NTM: variants seen among roughly 807,000 people sequenced by gnomAD.
NTM encodes IgLON family member 2.
NTM carries 13 observed loss-of-function variants against 42.1 expected under a neutral mutation model. The ratio of observed to expected loss-of-function variants is 0.31; its 90% CI spans 0.20 to 0.49. The LOEUF (loss-of-function observed/expected upper bound fraction) is 0.49. Ranked by LOEUF, NTM falls within the 20% of genes least tolerant of loss-of-function variation. The pLI is 0.99. For synonymous variants in NTM, 187 were observed against 179.2 expected (o/e 1.04, Z -0.35); for missense variants, 373 against 452.8 (o/e 0.82, Z 1.60).
At chr11:132,191,223 C>T (rs1410074040) in intron 3 of NTM, among the ~76,000 whole-genome samples, 2 of 152,204 alleles carry the variant, frequency 1.3e-5, no homozygotes, top group African/African-American at 4.8e-5. Context: ...AGCTTAGCCA[C>T]CCAACCCCAC....
At chr11:131,947,106 A>G (rs909624172) in intron 2 of NTM, among the ~76,000 whole-genome samples, 5 of 152,232 alleles carry the variant, frequency 3.3e-5, no homozygotes, top group African/African-American at 1.2e-4. Flanking sequence ...CTAAAATGTG[A>G]CATTTGCCAC....
intron 1 of NTM, among the ~76,000 whole-genome samples, chr11:131,566,211 G>C (rs2056864840): frequency 2.0e-5 from 3 of 152,122 alleles, no homozygotes; most frequent in Non-Finnish European, 4.4e-5. Flanking sequence ...TAAACATTTA[G>C]GGGACTCCTC....
intron 1 of NTM, among the ~76,000 whole-genome samples, chr11:131,625,524 G>A (rs1040070734): frequency 2.0e-5 from 3 of 151,990 alleles, no homozygotes; most frequent in African/African-American, 7.2e-5. Context: ...GAGAGAGACT[G>A]AAAAGATGAA....
At chr11:131,444,203 C>CAA (rs71475757) in intron 1 of NTM, among the ~76,000 whole-genome samples, 2,472 of 49,454 alleles carry the variant, frequency 0.05, 237 homozygotes, top group East Asian at 0.45. Flanking sequence ...AGGTTAGAAC[C>CAA]AAAAAAAAAA....
chr11:132,057,263 C>T (rs60028021), intron 2 of NTM, among the ~76,000 whole-genome samples: 17,689 of 148,778 alleles, frequency 0.12, 276 homozygotes, highest in South Asian at 0.19. Context: ...CTAAAATATA[C>T]GGTGTATTTT....
chr11:131,715,085 T>C (rs2135342010), intron 1 of NTM, among the ~76,000 whole-genome samples: 1 of 152,320 alleles, frequency 6.6e-6, no homozygotes, highest in Non-Finnish European at 1.5e-5. Flanking sequence ...GACCTTGTGA[T>C]ACAAAACCAG....
chr11:131,488,417 C>T (rs1954419670), intron 1 of NTM, among the ~76,000 whole-genome samples: 1 of 152,156 alleles, frequency 6.6e-6, no homozygotes. Flanking sequence ...ATTTCCTAGC[C>T]TGAACTTTTT....
chr11:131,680,479 GCACGTC>G (rs1565414618), intron 1 of NTM, among the ~76,000 whole-genome samples: 649 of 124,950 alleles, frequency 5.2e-3, no homozygotes, highest in South Asian at 7.9e-3. Context: ...CTGTGTGTGT[GCACGTC>G]TGTGTAGGCA....
intron 2 of NTM, among the ~76,000 whole-genome samples, chr11:132,142,272 G>C (rs982740506): frequency 4.6e-5 from 7 of 152,316 alleles, no homozygotes; most frequent in African/African-American, 1.7e-4. Context: ...AGCTCACCTG[G>C]ATGAGTCAGG....
intron 5 of NTM, among the ~76,000 whole-genome samples, chr11:132,308,956 G>A (rs1295122249): frequency 6.6e-6 from 1 of 152,208 alleles, no homozygotes; most frequent in East Asian, 1.9e-4. Context: ...GCTAGGTGCA[G>A]GTGCAGAATT....
At chr11:131,968,192 TAAAAAAC>T (rs2063078933) in intron 2 of NTM, among the ~76,000 whole-genome samples, 1 of 151,984 alleles carries the variant, frequency 6.6e-6, no homozygotes, top group Non-Finnish European at 1.5e-5. Flanking sequence ...TACTGGGAAA[TAAAAAAC>T]AAAAAACTAA....
intron 2 of NTM, among the ~76,000 whole-genome samples, chr11:132,117,129 G>A (rs7937372): frequency 0.71 from 108,050 of 152,108 alleles, 39,297 homozygotes; most frequent in African/African-American, 0.82. Context: ...ATTAGAAATC[G>A]TGAGTGTTCA....
chr11:131,628,694 A>T (rs1001276712), intron 1 of NTM, among the ~76,000 whole-genome samples: 2 of 152,220 alleles, frequency 1.3e-5, no homozygotes, highest in African/African-American at 4.8e-5. Context: ...TGTCAGGAGT[A>T]TTGGTGGTGC....
intron 3 of NTM, among the ~76,000 whole-genome samples, chr11:132,174,455 C>T (rs1206605004): frequency 4.6e-5 from 7 of 152,202 alleles, no homozygotes; most frequent in Non-Finnish European, 7.3e-5. Context: ...TTGCTACATG[C>T]CCCAGGGTAA....
At chr11:132,187,286 A>T (rs1043166031) in intron 3 of NTM, among the ~76,000 whole-genome samples, 1 of 151,894 alleles carries the variant, frequency 6.6e-6, no homozygotes, top group African/African-American at 2.4e-5. Flanking sequence ...CTGAAAAAAC[A>T]AGATGAGACC....
chr11:131,714,983 C>T (rs1027639226), intron 1 of NTM, among the ~76,000 whole-genome samples: 2 of 152,208 alleles, frequency 1.3e-5, no homozygotes, highest in Non-Finnish European at 2.9e-5. Flanking sequence ...GTCACACTTG[C>T]TTAATTAATG....
At chr11:132,114,168 T>C (rs2063578247) in intron 2 of NTM, among the ~76,000 whole-genome samples, 1 of 152,232 alleles carries the variant, frequency 6.6e-6, no homozygotes, top group Admixed American at 6.5e-5. Flanking sequence ...TGGAATGTTA[T>C]TGAAAAGATC....
At chr11:132,286,930 T>G (rs1316380601) in intron 4 of NTM, among the ~76,000 whole-genome samples, 2 of 152,268 alleles carry the variant, frequency 1.3e-5, no homozygotes, top group Non-Finnish European at 2.9e-5. Context: ...GAAGATGCTT[T>G]TCTTCTTTGG....
At chr11:131,466,793 CT>C (rs967898308) in intron 1 of NTM, among the ~76,000 whole-genome samples, 1 of 152,160 alleles carries the variant, frequency 6.6e-6, no homozygotes, top group African/African-American at 2.4e-5. Flanking sequence ...AAGGAGACAG[CT>C]TTTTTGAAAT....
Sources: gnomAD v4.1 joint callset for allele counts (sites outside exome capture counted in the v4.1 genomes callset) on GRCh38, gnomAD v4.1.1 for gene constraint, MANE v1.5 for transcripts, NCBI Gene and HGNC (gene_info 2026-07-23, HGNC 2026-07-21) for gene names.